Variants in CD6 observed in about 807,000 individuals in gnomAD.
CD6 encodes T-cell differentiation antigen CD6.
CD6 carries 53 observed loss-of-function variants against 75.3 expected under a neutral mutation model. The ratio of observed to expected loss-of-function variants is 0.70; its 90% confidence interval spans 0.56 to 0.88. The LOEUF is 0.88. Among genes scored for constraint, CD6 ranks in the 40% least tolerant of loss-of-function variants. CD6 has a pLI of 0.00. For missense variants in CD6, 770 were observed against 897.1 expected, an observed-to-expected ratio of 0.86 and a Z score of 1.81; for synonymous variants, 359 against 381.5, an observed-to-expected ratio of 0.94 and a Z score of 0.69.
In CD6 at chr11:61,009,593, C is replaced by G; in HGVS notation, c.803C>G (p.Thr268Arg). Residue 268 changes from threonine (T) to arginine (R), a missense_variant, in exon 5 of 13, where the codon ACA becomes AGA. Coordinates refer to ENST00000313421, the MANE Select transcript of CD6 (RefSeq NM_006725.5). Reference sequence around the variant, plus strand: ...GCAGAGCACCAGTCCTGGCGCCTGACAGGGGGCGCTGACCGCTGCGAGGGG... The same window carrying G: ...GCAGAGCACCAGTCCTGGCGCCTGAGAGGGGGCGCTGACCGCTGCGAGGGG... Reference protein sequence around the residue: ...VCSEHQSWRLTGGADRCEGQV... With the variant: ...VCSEHQSWRLRGGADRCEGQV... The G allele has an allele frequency of 6.2e-7, 1 of 1,608,942 alleles. No homozygotes were observed. The highest frequency in any genetic ancestry group is 8.5e-7 in the Non-Finnish European group (1 of 1,177,684).
Position 60,971,929 on chromosome 11 carries a change from C to G in CD6, c.49+15C>G. 2 of 1,613,262 alleles carry G rather than the reference C, an allele frequency of 1.2e-6. No homozygotes were observed. The highest frequency in any genetic ancestry group is 4.5e-5 in the East Asian group (2 of 44,826). ...AGCCCTCTCAGGTAGGCCCCCTTCC[C>G]TCATCTCCTGCCACTGGTGCTGGAG... On this transcript the variant is annotated intron_variant, in intron 1 of 12. Transcript: ENST00000313421.
Position 61,006,582 on chromosome 11 carries a change from T to C in CD6, c.58T>C (p.Ser20Pro), listed in dbSNP as rs1858869768. Reference protein sequence around the residue: ...LLTAALSGHPSPAPPDQLNTS... With the variant: ...LLTAALSGHPPPAPPDQLNTS... ...CTGCTGGTTCATTTCAGGTCATCCA[T>C]CTCCAGCCCCACCTGACCAGCTCAA... is the stretch of plus-strand genomic sequence containing the variant. The change falls in exon 2 of 13, where the codon TCT becomes CCT. Residue 20 changes from serine (S) to proline (P), a missense_variant. Physicochemically the swap from Ser to Pro is moderately conservative, Grantham distance 74. Transcript: ENST00000313421. 2 of 1,606,540 alleles carry C rather than the reference T, an allele frequency of 1.2e-6. No homozygotes were observed. The highest frequency in any genetic ancestry group is 1.7e-6 in the Non-Finnish European group (2 of 1,176,762).
chr11:60,978,765 G>A (rs542180837), intron 1 of CD6, among the ~76,000 whole-genome samples: 3 of 152,274 alleles, frequency 2.0e-5, no homozygotes, highest in Non-Finnish European at 2.9e-5. Context: ...TCAGGCAGAC[G>A]CGGGTTCTGA....
intron 1 of CD6, among the ~76,000 whole-genome samples, chr11:60,983,306 G>T (rs1014472399): frequency 4.6e-5 from 7 of 151,928 alleles, no homozygotes; most frequent in Non-Finnish European, 1.0e-4. Flanking sequence ...TGGTCAGGCT[G>T]GTCTTTAACT....
At chr11:60,972,425 C>CA (rs1565137193) in intron 1 of CD6, among the ~76,000 whole-genome samples, 1 of 152,182 alleles carries the variant, frequency 6.6e-6, no homozygotes. Flanking sequence ...GGCCTCAGCA[C>CA]AACCAGCTGG....
chr11:60,971,833 A>C lies in CD6; in HGVS notation c.-33A>C. On this transcript the variant is annotated 5_prime_UTR_variant, in exon 1 of 13. Coordinates refer to ENST00000313421, the MANE Select transcript of CD6 (RefSeq NM_006725.5). ...CCCCAAGATGGTGCTTCCCACAGGC[A>C]GCCACGCGTAGCAGCCAGAGACAGC... The C allele has an allele frequency of 6.2e-7, 1 of 1,609,912 alleles. No homozygotes were observed. Among genetic ancestry groups the C allele is most frequent in the Non-Finnish European group, 8.5e-7 (1 of 1,177,552 alleles).
intron 1 of CD6, among the ~76,000 whole-genome samples, chr11:60,986,480 A>G (rs1857820449): frequency 1.3e-5 from 2 of 152,312 alleles, no homozygotes; most frequent in Middle Eastern, 3.4e-3. Flanking sequence ...GTCACTCTTC[A>G]GCTTTTGCGC....
chr11:61,015,406 A>C, intron 8 of CD6: 1 of 247,580 alleles, frequency 4.0e-6, no homozygotes, highest in Non-Finnish European at 7.9e-6. Context: ...ACCTGTCTCT[A>C]CAAAAAATTC....
Position 61,005,201 on chromosome 11 carries a change from A to C in CD6, c.50-1373A>C, listed in dbSNP as rs192356488. Among the ~76,000 whole-genome samples the C allele has an allele frequency of 1.2e-4, 18 of 152,364 alleles. 1 individual carries two copies. The highest frequency in any genetic ancestry group is 1.2e-3 in the Admixed American group (18 of 15,304). ...ACTTATTTACAGAAGAACTATTTAC[A>C]AAGGGTAATGCAGTAAGTAGAATCT... On this transcript the variant is annotated intron_variant, in intron 1 of 12. Transcript: ENST00000313421.
At chr11:61,014,082 T>C (rs1590725305) in intron 8 of CD6, 68 bp downstream of exon 8, 3 of 1,176,286 alleles carry the variant, frequency 2.6e-6, no homozygotes, top group East Asian at 4.8e-5. Context: ...TTCTGGAAGG[T>C]CAGCACCACT....
At chr11:61,000,670 T>C (rs958317493) in intron 1 of CD6, among the ~76,000 whole-genome samples, 5 of 152,204 alleles carry the variant, frequency 3.3e-5, no homozygotes, top group African/African-American at 7.2e-5. Flanking sequence ...CTATGCCTCC[T>C]TTCTCCACAA....
intron 1 of CD6, chr11:60,989,178 T>C (rs190537589): frequency 6.6e-6 from 1 of 152,204 alleles, no homozygotes; most frequent in African/African-American, 2.4e-5. Context: ...GAATTCTGGC[T>C]CTATCAATGC....
chr11:61,002,609 T>C (rs1396923981), intron 1 of CD6, among the ~76,000 whole-genome samples: 2 of 152,168 alleles, frequency 1.3e-5, no homozygotes, highest in Non-Finnish European at 2.9e-5. Flanking sequence ...TTTAATGATG[T>C]AAAAAAGCAA....
At chr11:60,981,877 T>C (rs1857571818) in intron 1 of CD6, among the ~76,000 whole-genome samples, 1 of 151,986 alleles carries the variant, frequency 6.6e-6, no homozygotes, top group Non-Finnish European at 1.5e-5. Flanking sequence ...GATAGGGAGA[T>C]GGCCCTGTCA....
chr11:60,982,490 A>T, intron 1 of CD6: 1 of 436,936 alleles, frequency 2.3e-6, no homozygotes, highest in South Asian at 1.6e-5. Flanking sequence ...CACCTCTTTC[A>T]GGAGGGGTGC....
At chr11:61,009,454 G>A in intron 4 of CD6, 118 bp from the exon 5 acceptor site, 3 of 905,046 alleles carry the variant, frequency 3.3e-6, no homozygotes, top group Non-Finnish European at 4.9e-6. Flanking sequence ...GGAGGGAGAA[G>A]ACACAAGATC....
intron 6 of CD6, among the ~76,000 whole-genome samples, chr11:61,011,657 G>T (rs598206): frequency 1.3e-5 from 2 of 152,210 alleles, no homozygotes; most frequent in African/African-American, 4.8e-5. Flanking sequence ...CTGAGGCTCC[G>T]AGGCTGAAGT....
At chr11:60,993,282 C>T (rs1292467195) in intron 1 of CD6, among the ~76,000 whole-genome samples, 1 of 152,038 alleles carries the variant, frequency 6.6e-6, no homozygotes, top group African/African-American at 2.4e-5. Flanking sequence ...ACAAGAAAGG[C>T]GAGGAGTGAG....
intron 5 of CD6, 95 bp from the exon 6 acceptor site, chr11:61,010,975 C>T: frequency 8.8e-7 from 1 of 1,133,568 alleles, no homozygotes; most frequent in Non-Finnish European, 1.3e-6. Flanking sequence ...AGTTCTGGGT[C>T]ACTTGTCTGT....
Sources: allele counts gnomAD v4.1 joint callset (sites outside exome capture counted in the v4.1 genomes callset), GRCh38; gene constraint gnomAD v4.1.1; transcripts MANE v1.5; gene names NCBI Gene and HGNC (gene_info 2026-07-23, HGNC 2026-07-21).